LONRF2: variants seen among roughly 807,000 people sequenced by gnomAD.
LONRF2 encodes the protein LON peptidase N-terminal domain and ring finger 2, also known as LON peptidase N-terminal domain and RING finger protein 2.
A neutral mutation model predicts 66.6 loss-of-function variants in LONRF2; 35 were observed. The observed-to-expected ratio is 0.53, with a 90% CI of 0.40 to 0.70. LONRF2 has a LOEUF of 0.70. Among genes scored for constraint, LONRF2 ranks in the 30% least tolerant of loss-of-function variants. LONRF2 has a pLI of 0.00. For synonymous variants in LONRF2, 417 were observed against 418.1 expected (o/e 1.00, Z 0.03); for missense variants, 902 against 1,002.1 (o/e 0.90, Z 1.35).
intron 1 of LONRF2, among the ~76,000 whole-genome samples, chr2:100,317,851 C>T (rs1415984284): frequency 6.6e-6 from 1 of 152,032 alleles, no homozygotes; most frequent in Non-Finnish European, 1.5e-5. Context: ...GAAATATGTC[C>T]TGTCTTCTCT....
Position 100,322,175 on chromosome 2 carries a change from G to A in LONRF2, c.-82C>T. ...CGCTGCTGCTGGGAACTGGCCGGCG[G>A]GAGCGCGGTCTCAGCCCTCGCCAGC... On this transcript the variant is annotated 5_prime_UTR_variant, in exon 1 of 12. Transcript: ENST00000393437. The A allele has an allele frequency of 8.4e-7, 1 of 1,196,460 alleles. No individual in the cohort carries two copies. The highest frequency in any genetic ancestry group is 1.0e-6 in the Non-Finnish European group (1 of 961,512). The allele number at this position is 1,196,460 out of a possible 1,614,324, so 74.1% of individuals were successfully genotyped here.
In LONRF2 at chr2:100,279,460, A is replaced by G. The variant is rs945842372; in HGVS notation, c.*4838T>C. The G allele has an allele frequency of 6.6e-6, 1 of 152,138 alleles. No homozygotes were observed. The highest frequency in any genetic ancestry group is 2.4e-5 in the African/African-American group (1 of 41,424). The allele number at this position is 152,138 out of a possible 1,614,324, so 9.4% of individuals were successfully genotyped here. A position where few individuals can be genotyped will look rare whatever the true frequency, so the allele number is the denominator to read the frequency against. ...CTACTCTCAGAATAAAATGTTTTCT[A>G]TGCTCTTCAGGGCAACGTATGCCCT... On this transcript the variant is annotated 3_prime_UTR_variant, in exon 12 of 12. Transcript: ENST00000393437.
intron 10 of LONRF2, among the ~76,000 whole-genome samples, chr2:100,287,622 G>C (rs1315542155): frequency 6.6e-6 from 1 of 152,164 alleles, no homozygotes; most frequent in Non-Finnish European, 1.5e-5. Context: ...CATTACATTG[G>C]CCTGGGCTGA....
intron 9 of LONRF2, among the ~76,000 whole-genome samples, chr2:100,292,878 T>C (rs1206065163): frequency 2.6e-5 from 4 of 152,146 alleles, no homozygotes; most frequent in Non-Finnish European, 5.9e-5. Context: ...TTTCCCCCCC[T>C]CTCATTTGGA....
chr2:100,287,268 C>A (rs1309741501), intron 10 of LONRF2, among the ~76,000 whole-genome samples: 1 of 152,178 alleles, frequency 6.6e-6, no homozygotes, highest in Non-Finnish European at 1.5e-5. Flanking sequence ...TGATTTTTCT[C>A]TTAATACCAT....
Position 100,321,901 on chromosome 2 carries a change from C to CA in LONRF2, c.192_193insT (p.Gly65TrpfsTer88). Reference sequence around the variant, plus strand: ...CGGCCGGCGCGGGCCAGCGCGTCCCCCAGCCTCAGGCACAGGCCGCGGTCC... The same window carrying CA: ...CGGCCGGCGCGGGCCAGCGCGTCCCCACAGCCTCAGGCACAGGCCGCGGTCC... On this transcript the variant is annotated frameshift_variant, in exon 1 of 12. Coordinates refer to ENST00000393437, the MANE Select transcript of LONRF2 (RefSeq NM_198461.4). LOFTEE classifies it high-confidence loss of function. 1 of 1,288,270 alleles carries CA rather than the reference C, an allele frequency of 7.8e-7. No homozygotes were observed. Among genetic ancestry groups the CA allele is most frequent in the Non-Finnish European group, 9.8e-7 (1 of 1,018,116 alleles). The allele number at this position is 1,288,270 out of a possible 1,614,324, so 79.8% of individuals were successfully genotyped here.
At position 100,299,581 on chromosome 2, in the gene LONRF2, C is replaced by T. The variant is rs7563199; in HGVS notation, c.1267+136G>A. 9.0e-3 allele frequency: 6,344 copies of T among 707,256 alleles called. 288 individuals are homozygous for T. In the African/African-American group the frequency reaches 0.1, roughly 11 times the overall value. The allele number at this position is 707,256 out of a possible 1,614,324, so 43.8% of individuals were successfully genotyped here. A position where few individuals can be genotyped will look rare whatever the true frequency, so the allele number is the denominator to read the frequency against. On this transcript the variant is annotated intron_variant, in intron 5 of 11. Coordinates refer to ENST00000393437, the MANE Select transcript of LONRF2 (RefSeq NM_198461.4). ...TGCAGTATAAAACATCTAAAATGCTCTATAATCTTAGAGCTGATATAATCA... is the reference window on the plus strand; with the variant it reads ...TGCAGTATAAAACATCTAAAATGCTTTATAATCTTAGAGCTGATATAATCA...
chr2:100,294,890 A>T (rs905797207), intron 8 of LONRF2, among the ~76,000 whole-genome samples: 4 of 152,128 alleles, frequency 2.6e-5, no homozygotes, highest in Admixed American at 6.5e-5. Flanking sequence ...TACATTAAAA[A>T]TTTTTTGAGG....
intron 1 of LONRF2, among the ~76,000 whole-genome samples, chr2:100,310,716 G>A (rs984670556): frequency 6.6e-6 from 1 of 152,190 alleles, no homozygotes; most frequent in African/African-American, 2.4e-5. Context: ...GGCTAGAGCA[G>A]GTGGCAGAAA....
At position 100,284,261 on chromosome 2, in the gene LONRF2, G is replaced by C. The variant is rs1674798489; in HGVS notation, c.*37C>G. ...TCGTCCATGCCTGACATTTATAAAA[G>C]CACAAGGGCTGCCAGAAACCTTGAC... On this transcript the variant is annotated 3_prime_UTR_variant, in exon 12 of 12. Transcript: ENST00000393437. 1 of 1,459,940 alleles carries C rather than the reference G, an allele frequency of 6.8e-7. No homozygotes were observed. The highest frequency in any genetic ancestry group is 1.4e-5 in the South Asian group (1 of 70,042). The allele number at this position is 1,459,940 out of a possible 1,614,324, so 90.4% of individuals were successfully genotyped here.
chr2:100,307,524 T>C lies in LONRF2; in HGVS notation c.798+1583A>G, dbSNP rs117260818. The stretch of plus-strand genomic sequence containing the variant: ...TGCTGTCAGTCAGAAATAATAGTTA[T>C]AATTCATAATAACTAAGGCTTGATC... On this transcript the variant is annotated intron_variant, in intron 2 of 11. Transcript: ENST00000393437. Among the ~76,000 whole-genome samples, 144 of 152,330 alleles carry C rather than the reference T, an allele frequency of 9.5e-4. 2 individuals are homozygous for C. The East Asian group carries it at 0.019, about 20-fold the overall frequency.
At chr2:100,306,923 CT>C (rs1407073368) in intron 2 of LONRF2, among the ~76,000 whole-genome samples, 1 of 118,908 alleles carries the variant, frequency 8.4e-6, no homozygotes, top group Non-Finnish European at 1.6e-5. Flanking sequence ...TGGAGTCTCG[CT>C]CTTTTTTTTT....
At position 100,321,532 on chromosome 2, in the gene LONRF2, C is replaced by G. The variant is rs1183897850; in HGVS notation, c.562G>C (p.Glu188Gln). 2 of 1,552,360 alleles carry G rather than the reference C, an allele frequency of 1.3e-6. No homozygotes were observed. The highest frequency in any genetic ancestry group is 1.7e-6 in the Non-Finnish European group (2 of 1,161,266). ...RVNVVLSGLL[E>Q]KCFPAECRLR... ...CGGCACTCGGCCGGGAAGCACTTCT[C>G]CAGCAGGCCGCTCAGCACCACGTTC... The change falls in exon 1 of 12, where the codon GAG becomes CAG. Residue 188 changes from glutamate (E) to glutamine (Q), a missense_variant. Physicochemically the swap from Glu to Gln is conservative, Grantham distance 29 (BLOSUM62 2). Around this residue, in one of 2 missense-constraint regions of LONRF2, gnomAD observed 585 missense variants for 569.9 expected, o/e 1.03. Coordinates refer to ENST00000393437, the MANE Select transcript of LONRF2 (RefSeq NM_198461.4).
intron 7 of LONRF2, among the ~76,000 whole-genome samples, chr2:100,298,116 TG>T (rs1489698056): frequency 6.6e-6 from 1 of 152,190 alleles, no homozygotes; most frequent in African/African-American, 2.4e-5. Context: ...CCCCTTAAGA[TG>T]TTATATGACT....
At chr2:100,297,326 A>T (rs1425375524) in intron 7 of LONRF2, among the ~76,000 whole-genome samples, 1 of 150,952 alleles carries the variant, frequency 6.6e-6, no homozygotes, top group Non-Finnish European at 1.5e-5. Flanking sequence ...TTTAGTAGAG[A>T]CGGGGTTTCA....
At chr2:100,306,416 T>C (rs1457585335) in intron 2 of LONRF2, among the ~76,000 whole-genome samples, 1 of 152,176 alleles carries the variant, frequency 6.6e-6, no homozygotes, top group Non-Finnish European at 1.5e-5. Flanking sequence ...TCAATTGAGA[T>C]TTGCATTTTT....
rs750427898 is a variant in LONRF2, at chr2:100,280,229, T to A, written c.*4069A>T. On this transcript the variant is annotated 3_prime_UTR_variant, in exon 12 of 12. Coordinates refer to ENST00000393437, the MANE Select transcript of LONRF2 (RefSeq NM_198461.4). ...GAGGAGTTGTAAAGGGAAAAAGACT[T>A]TCCCCTGGGAGTCAGAGCCAGTGCT... The A allele has an allele frequency of 1.3e-5, 2 of 152,060 alleles. No homozygotes were observed. The highest frequency in any genetic ancestry group is 2.9e-5 in the Non-Finnish European group (2 of 68,020). 9.4% of individuals were successfully genotyped at this position (152,060 alleles called of 1,614,324 possible).
intron 1 of LONRF2, among the ~76,000 whole-genome samples, chr2:100,316,639 C>A (rs1316265785): frequency 6.6e-6 from 1 of 152,116 alleles, no homozygotes; most frequent in African/African-American, 2.4e-5. Flanking sequence ...AACGCTCTGC[C>A]TATGGTCATG....
chr2:100,293,691 T>C (rs1196389942), intron 9 of LONRF2, among the ~76,000 whole-genome samples: 1 of 152,114 alleles, frequency 6.6e-6, no homozygotes, highest in Non-Finnish European at 1.5e-5. Context: ...AGACTGAAAA[T>C]GATTTGGCTG....
Sources: allele counts gnomAD v4.1 joint callset (sites outside exome capture counted in the v4.1 genomes callset), GRCh38; gene constraint gnomAD v4.1.1; regional missense constraint gnomAD v4.1.1; transcripts MANE v1.5; gene names NCBI Gene and HGNC (gene_info 2026-07-23, HGNC 2026-07-21).